PCDHGA8: variants seen among roughly 807,000 people sequenced by gnomAD.
PCDHGA8 encodes the protein protocadherin gamma-A8.
A neutral mutation model predicts 59.2 loss-of-function variants in PCDHGA8; 45 were observed. The ratio of observed to expected loss-of-function variants is 0.76; its 90% CI spans 0.60 to 0.98. The LOEUF is 0.98. PCDHGA8 is among the 50% of genes least tolerant of loss of function. The pLI is 0.00. For missense variants in PCDHGA8, 1,257 were observed against 1,196.2 expected (o/e 1.05, Z -0.75); for synonymous variants, 531 against 519.0 (o/e 1.02, Z -0.32).
chr5:141,509,292 T>A (rs1407798154), intron 3 of PCDHGA8, among the ~76,000 whole-genome samples: 1 of 152,028 alleles, frequency 6.6e-6, no homozygotes, highest in Non-Finnish European at 1.5e-5. Context: ...GGGTCCAGGG[T>A]GGAGGCAGAG....
In PCDHGA8 at chr5:141,477,531, C is replaced by T. The variant is rs1316982512; in HGVS notation, c.2425-17276C>T. 5 of 1,614,162 alleles carry T rather than the reference C, an allele frequency of 3.1e-6. No homozygotes were observed. Among genetic ancestry groups the T allele is most frequent in the Middle Eastern group, 1.6e-4 (1 of 6,062 alleles). On this transcript the variant is annotated intron_variant, in intron 1 of 3. Transcript: ENST00000398604. This position sits in a 1 kb window ranked among gnomAD's most constrained non-coding sequence, Gnocchi z 4.9. ...GTTTACATTGAAGAAAACAACCTCC[C>T]CGGGGCTCCAATACTAAACCTAAGT... is the stretch of plus-strand genomic sequence containing the variant.
rs1168771567 is a variant in PCDHGA8 at position 141,398,057 on chromosome 5, A to T, written c.2424+2820A>T. On this transcript the variant is annotated intron_variant, in intron 1 of 3. Coordinates refer to ENST00000398604, the MANE Select transcript of PCDHGA8 (RefSeq NM_032088.2). ...CTAAAGCCCGTTCGGAGATCCAAAAATCTACAATACAGAGGTTATTTGTAA... is the reference window on the plus strand; with the variant it reads ...CTAAAGCCCGTTCGGAGATCCAAAATTCTACAATACAGAGGTTATTTGTAA... 9 of 1,524,504 alleles carry T rather than the reference A, an allele frequency of 5.9e-6. No individual in the cohort carries two copies. In the South Asian group the frequency reaches 1.1e-4, roughly 19 times the overall value. 94.4% of individuals were successfully genotyped at this position (1,524,504 alleles called of 1,614,324 possible). A position where few individuals can be genotyped will look rare whatever the true frequency, so the allele number is the denominator to read the frequency against.
chr5:141,450,119 G>A (rs765403319), intron 1 of PCDHGA8, among the ~76,000 whole-genome samples: 2 of 148,920 alleles, frequency 1.3e-5, no homozygotes, highest in Non-Finnish European at 3.0e-5. Context: ...TGATTCTCCT[G>A]CCTTAGCCTC....
chr5:141,462,477 G>A (rs1430561580), intron 1 of PCDHGA8, among the ~76,000 whole-genome samples: 1 of 151,828 alleles, frequency 6.6e-6, no homozygotes, highest in East Asian at 1.9e-4. Flanking sequence ...TCTGCTTCTC[G>A]TGGTTGTTGT....
Position 141,392,676 on chromosome 5 carries a change from C to G in PCDHGA8, c.-138C>G. ...CAGATGCCACAAACTAACTGCTGGA[C>G]TGCAGCGAAACCCGACCCCTGTTTG... On this transcript the variant is annotated 5_prime_UTR_variant, in exon 1 of 4. Coordinates refer to ENST00000398604, the MANE Select transcript of PCDHGA8 (RefSeq NM_032088.2). The G allele has an allele frequency of 1.1e-6, 1 of 917,280 alleles. No homozygotes were observed. The allele number at this position is 917,280 out of a possible 1,614,324, so 56.8% of individuals were successfully genotyped here.
chr5:141,505,443 C>A lies in PCDHGA8; in HGVS notation c.2534C>A (p.Thr845Lys). ...TGTWPNNQFD[T>K]EMLQAMILAS... ...ACCTGGCCCAACAACCAGTTTGACA[C>A]AGAGATGCTGCAAGCCATGATCTTG... Residue 845 changes from threonine to lysine, a missense_variant, in exon 3 of 4, where the codon ACA becomes AAA. Physicochemically the swap from Thr to Lys is moderately conservative, Grantham distance 78. Transcript: ENST00000398604. 2 of 1,614,224 alleles carry A rather than the reference C, an allele frequency of 1.2e-6. No homozygotes were observed. Among genetic ancestry groups the A allele is most frequent in the Non-Finnish European group, 8.5e-7 (1 of 1,180,042 alleles).
In PCDHGA8 at chr5:141,431,059, C is replaced by G. The variant is rs367774626; in HGVS notation, c.2424+35822C>G. ...GGGAGGAGCTCTGTATGGGGGCCAT[C>G]AAGTGTCAATTAAATCTAGACATTC... On this transcript the variant is annotated intron_variant, in intron 1 of 3. Coordinates refer to ENST00000398604, the MANE Select transcript of PCDHGA8 (RefSeq NM_032088.2). This position sits in a 1 kb window ranked among gnomAD's most constrained non-coding sequence, Gnocchi z 4.8. 1 of 1,614,136 alleles carries G rather than the reference C, an allele frequency of 6.2e-7. No individual in the cohort carries two copies.
chr5:141,404,829 TGC>T lies in PCDHGA8; in HGVS notation c.2424+9595_2424+9596del, dbSNP rs774802551. 6.2e-6 allele frequency: 10 copies of T among 1,608,020 alleles called. No individual in the cohort carries two copies. In the Admixed American group the frequency reaches 1.7e-4, roughly 27 times the overall value. On this transcript the variant is annotated intron_variant, in intron 1 of 3. Coordinates refer to ENST00000398604, the MANE Select transcript of PCDHGA8 (RefSeq NM_032088.2). ...TCGGTGGGGCTGCACACAGGTGAAGTGCGCACAGCTCGGGCCCTGCTAGATAG... is the reference window on the plus strand; with the variant it reads ...TCGGTGGGGCTGCACACAGGTGAAGTGCACAGCTCGGGCCCTGCTAGATAG...
chr5:141,494,251 G>C (rs961451413), intron 1 of PCDHGA8, among the ~76,000 whole-genome samples: 2 of 152,214 alleles, frequency 1.3e-5, no homozygotes, highest in African/African-American at 4.8e-5. Context: ...TTAGCTGTGG[G>C]AAGAGATTCT....
chr5:141,409,951 G>C (rs1480000390), intron 1 of PCDHGA8: 1 of 1,613,256 alleles, frequency 6.2e-7, no homozygotes, highest in Non-Finnish European at 8.5e-7. Flanking sequence ...GCTCTGCAGA[G>C]CCCGGCTACC....
At position 141,476,001 on chromosome 5, in the gene PCDHGA8, C is replaced by G; in HGVS notation, c.2425-18806C>G. The G allele has an allele frequency of 8.1e-7, 1 of 1,235,348 alleles. No homozygotes were observed. Among genetic ancestry groups the G allele is most frequent in the Non-Finnish European group, 1.1e-6 (1 of 894,008 alleles). 76.5% of individuals were successfully genotyped at this position (1,235,348 alleles called of 1,614,324 possible). On this transcript the variant is annotated intron_variant, in intron 1 of 3. Transcript: ENST00000398604. The surrounding 1 kb of genome is among the most constrained non-coding windows in gnomAD (Gnocchi z 7.6). ...CAGCCGGCGAGCAAATCAACGGCATCCAGAAAGCCATGTCGGACTCGGCGC... is the reference window on the plus strand; with the variant it reads ...CAGCCGGCGAGCAAATCAACGGCATGCAGAAAGCCATGTCGGACTCGGCGC...
chr5:141,403,204 G>A, intron 1 of PCDHGA8: 4 of 1,613,952 alleles, frequency 2.5e-6, no homozygotes, highest in Non-Finnish European at 3.4e-6. Flanking sequence ...GCGGCACCTT[G>A]GTCACCGCGG....
intron 1 of PCDHGA8, among the ~76,000 whole-genome samples, chr5:141,433,641 G>A (rs1177387884): frequency 6.6e-6 from 1 of 152,104 alleles, no homozygotes; most frequent in Non-Finnish European, 1.5e-5. Flanking sequence ...TTTGAGACCA[G>A]CCTGACCAAC....
intron 1 of PCDHGA8, among the ~76,000 whole-genome samples, chr5:141,473,298 A>G (rs1033516450): frequency 1.3e-5 from 2 of 152,244 alleles, no homozygotes; most frequent in Non-Finnish European, 2.9e-5. Context: ...AGTAGCATAA[A>G]GATTGCTATA....
At chr5:141,420,907 C>G (rs916293573) in intron 1 of PCDHGA8, 3 of 301,914 alleles carry the variant, frequency 9.9e-6, no homozygotes, top group Admixed American at 4.6e-5. Context: ...TCTACAAATA[C>G]GTGTGATTCA....
chr5:141,413,570 A>G, intron 1 of PCDHGA8: 1 of 1,613,930 alleles, frequency 6.2e-7, no homozygotes, highest in Non-Finnish European at 8.5e-7. Context: ...GATATCAATG[A>G]CAATGCTCCA....
intron 1 of PCDHGA8, chr5:141,416,902 C>T (rs1364019748): frequency 1.3e-5 from 2 of 152,020 alleles, no homozygotes; most frequent in Non-Finnish European, 2.9e-5. Flanking sequence ...GGAAGGAAAG[C>T]ACACTCTTTA....
At chr5:141,499,423 GA>G (rs1229901490) in intron 2 of PCDHGA8, among the ~76,000 whole-genome samples, 3 of 151,756 alleles carry the variant, frequency 2.0e-5, no homozygotes, top group Non-Finnish European at 2.9e-5. Flanking sequence ...ATGAAAAATA[GA>G]AAAAAAATTA....
At chr5:141,414,061 T>C in intron 1 of PCDHGA8, 1 of 1,609,248 alleles carries the variant, frequency 6.2e-7, no homozygotes, top group Non-Finnish European at 8.5e-7. Flanking sequence ...ATTGTTGAAG[T>C]TCCAACTAAA....
Sources: gnomAD v4.1 joint callset for allele counts (sites outside exome capture counted in the v4.1 genomes callset) on GRCh38, gnomAD v4.1.1 for gene constraint, Gnocchi (gnomAD v3.1) non-coding constraint, MANE v1.5 for transcripts, NCBI Gene and HGNC (gene_info 2026-07-23, HGNC 2026-07-21) for gene names.